IBTK: variants seen among roughly 807,000 people sequenced by gnomAD.
IBTK encodes the protein inhibitor of Bruton tyrosine kinase, also known as BTK-binding protein.
A neutral mutation model predicts 154.9 loss-of-function variants in IBTK; 83 were observed. The observed-to-expected ratio is 0.54, with a 90% CI of 0.45 to 0.64. The LOEUF (loss-of-function observed/expected upper bound fraction) is 0.64. Ranked by LOEUF, IBTK falls within the 30% of genes least tolerant of loss-of-function variation. IBTK has a pLI of 0.00. For missense variants in IBTK, 1,332 were observed against 1,584.6 expected, an observed-to-expected ratio of 0.84 and a Z score of 2.71; for synonymous variants, 515 against 536.1, an observed-to-expected ratio of 0.96 and a Z score of 0.54.
chr6:82,242,159 T>C (rs10943866), intron 1 of IBTK, among the ~76,000 whole-genome samples: 36,264 of 151,712 alleles, frequency 0.24, 4,387 homozygotes, highest in African/African-American at 0.28. Context: ...CACCTGAGGT[T>C]GGGAGTTTGA....
At chr6:82,237,441 C>CT (rs1770757286) in intron 2 of IBTK, among the ~76,000 whole-genome samples, 2 of 151,646 alleles carry the variant, frequency 1.3e-5, no homozygotes, top group Non-Finnish European at 2.9e-5. Context: ...ATGGATAGTC[C>CT]CTGGGGGGGA....
At chr6:82,218,231 A>C in intron 9 of IBTK, 94 bp from the exon 10 acceptor site, 2 of 829,994 alleles carry the variant, frequency 2.4e-6, no homozygotes, top group Non-Finnish European at 3.4e-6. Context: ...ATGCTGTTAA[A>C]ATAAAAGCTC....
At chr6:82,186,453 T>G (rs868762800) in intron 25 of IBTK, among the ~76,000 whole-genome samples, 1 of 152,212 alleles carries the variant, frequency 6.6e-6, no homozygotes, top group African/African-American at 2.4e-5. Flanking sequence ...TAAAATAGTT[T>G]TACATTAAGG....
intron 3 of IBTK, among the ~76,000 whole-genome samples, chr6:82,233,648 A>C (rs1360411243): frequency 6.6e-6 from 1 of 152,072 alleles, no homozygotes; most frequent in African/African-American, 2.4e-5. Context: ...CTACTTTAAG[A>C]AGAATAAAAT....
intron 27 of IBTK, chr6:82,173,087 T>C (rs1767989296): frequency 8.4e-6 from 2 of 238,282 alleles, no homozygotes; most frequent in East Asian, 7.9e-5. Context: ...ATGCAATCTC[T>C]GCCTCCCAGG....
chr6:82,231,438 G>A (rs1430518234), intron 4 of IBTK, among the ~76,000 whole-genome samples: 2 of 151,998 alleles, frequency 1.3e-5, no homozygotes, highest in African/African-American at 2.4e-5. Flanking sequence ...ATCAAGAGAA[G>A]CTTTACCCTC....
At chr6:82,186,997 C>G (rs1427408237) in intron 25 of IBTK, among the ~76,000 whole-genome samples, 2 of 147,492 alleles carry the variant, frequency 1.4e-5, no homozygotes, top group Non-Finnish European at 3.0e-5. Flanking sequence ...CTCACTGCAA[C>G]CTCTGCCTCC....
chr6:82,241,154 T>A (rs542100014), intron 1 of IBTK, among the ~76,000 whole-genome samples: 10 of 152,218 alleles, frequency 6.6e-5, no homozygotes, highest in Non-Finnish European at 1.2e-4. Flanking sequence ...TACTCCATTT[T>A]TCCACTCTCA....
chr6:82,232,708 G>C (rs1562105038), intron 3 of IBTK, among the ~76,000 whole-genome samples: 1 of 152,130 alleles, frequency 6.6e-6, no homozygotes, highest in African/African-American at 2.4e-5. Context: ...GTGAAACTGA[G>C]AATGTGTGAA....
At chr6:82,178,178 C>T (rs1382880815) in intron 26 of IBTK, among the ~76,000 whole-genome samples, 1 of 152,162 alleles carries the variant, frequency 6.6e-6, no homozygotes, top group African/African-American at 2.4e-5. Context: ...AACTCCCATA[C>T]CAAAAATACT....
rs1768310691 is a variant in IBTK at position 82,181,324 on chromosome 6, TA to T, written c.3725+554del. Among the ~76,000 whole-genome samples the T allele has an allele frequency of 2.6e-5, 4 of 152,358 alleles. No homozygotes were observed. The South Asian group carries it at 8.3e-4, about 32-fold the overall frequency. ...CACAGATAAACACATTGATGTGGTA[TA>T]CCCATACAATGAAATACTATTCAGT... On this transcript the variant is annotated intron_variant, in intron 26 of 28. Coordinates refer to ENST00000306270, the MANE Select transcript of IBTK (RefSeq NM_015525.4).
chr6:82,213,215 G>A (rs1238784268), intron 12 of IBTK, among the ~76,000 whole-genome samples: 1 of 152,072 alleles, frequency 6.6e-6, no homozygotes, highest in Non-Finnish European at 1.5e-5. Flanking sequence ...TTTTTGTAGA[G>A]ACAGGGTTTC....
chr6:82,188,495 T>C (rs1330812799), intron 25 of IBTK, among the ~76,000 whole-genome samples: 1 of 152,166 alleles, frequency 6.6e-6, no homozygotes, highest in Non-Finnish European at 1.5e-5. Flanking sequence ...TTACAGATAA[T>C]AAATTATGAA....
At chr6:82,197,373 A>ATTTTTTTTTTTTTT (rs11422131) in intron 21 of IBTK, among the ~76,000 whole-genome samples, 1 of 138,402 alleles carries the variant, frequency 7.2e-6, no homozygotes, top group African/African-American at 2.7e-5. Context: ...ATCTTTTTGA[A>ATTTTTTTTTTTTTT]TTTTTTTTTT....
chr6:82,177,248 C>T (rs1010897116), intron 26 of IBTK, among the ~76,000 whole-genome samples: 4 of 151,926 alleles, frequency 2.6e-5, no homozygotes, highest in African/African-American at 9.7e-5. Flanking sequence ...CTCACTCTGT[C>T]GCTCAGGCTG....
At chr6:82,205,089 A>C (rs1236258731) in intron 16 of IBTK, 131 bp from the exon 17 acceptor site, 3 of 443,956 alleles carry the variant, frequency 6.8e-6, no homozygotes, top group African/African-American at 6.1e-5. Context: ...TTAGTACACT[A>C]GAAAAGAGAT....
intron 12 of IBTK, among the ~76,000 whole-genome samples, chr6:82,213,295 C>T (rs953495394): frequency 1.3e-5 from 2 of 152,184 alleles, no homozygotes; most frequent in African/African-American, 4.8e-5. Flanking sequence ...TCCCAAAGTG[C>T]TGGGATTACA....
chr6:82,214,813 C>G lies in IBTK; in HGVS notation c.1618G>C (p.Ala540Pro). The change falls in exon 12 of 29, where the codon GCT becomes CCT. Residue 540 changes from alanine to proline, a missense_variant. Physicochemically the swap from Ala to Pro is conservative, Grantham distance 27. Around this residue, in one of 3 missense-constraint regions of IBTK, gnomAD observed 1,134 missense variants for 1,274.7 expected, o/e 0.89. Transcript: ENST00000306270. ...TCAAAAAAGGATGATGAGGACACAGCTGGAATTTCATAAAGGCTAGAAAGA... is the reference window on the plus strand; with the variant it reads ...TCAAAAAAGGATGATGAGGACACAGGTGGAATTTCATAAAGGCTAGAAAGA... ...DPKTSLYEIP[A>P]VSSSSFFEEF... The G allele has an allele frequency of 6.3e-7, 1 of 1,579,662 alleles. No homozygotes were observed. Among genetic ancestry groups the G allele is most frequent in the Non-Finnish European group, 8.6e-7 (1 of 1,164,114 alleles).
chr6:82,236,900 C>T (rs1440885304), intron 2 of IBTK, among the ~76,000 whole-genome samples: 1 of 152,146 alleles, frequency 6.6e-6, no homozygotes, highest in East Asian at 1.9e-4. Context: ...ATGGTTAATA[C>T]AGGATTTAGG....
Sources: gnomAD v4.1 joint callset for allele counts (sites outside exome capture counted in the v4.1 genomes callset) on GRCh38, gnomAD v4.1.1 for gene constraint, gnomAD v4.1.1 regional missense constraint, MANE v1.5 for transcripts, NCBI Gene and HGNC (gene_info 2026-07-23, HGNC 2026-07-21) for gene names.